Variants in S100Z observed in about 807,000 individuals in gnomAD.
S100Z encodes protein S100-Z.
Under a neutral mutation model 8.5 loss-of-function variants are expected in S100Z, and 11 were observed. The observed-to-expected ratio is 1.30, with a 90% CI of 0.82 to 2.15. S100Z has a LOEUF of 2.15. Ranked by LOEUF, S100Z falls within the 30% of genes most tolerant of loss-of-function variation. The pLI is 0.00. For missense variants in S100Z, 126 were observed against 117.9 expected, an observed-to-expected ratio of 1.07 and a Z score of -0.32; for synonymous variants, 34 against 43.8, an observed-to-expected ratio of 0.78 and a Z score of 0.89.
chr5:76,937,306 C>T, the S100Z span, among the ~76,000 whole-genome samples: 2 of 150,624 alleles, frequency 1.3e-5, no homozygotes, highest in East Asian at 1.9e-4. Context: ...AGGGGTTGCA[C>T]CTGGGGTAAT....
chr5:76,915,979 G>A (rs143114827), intron 4 of S100Z, among the ~76,000 whole-genome samples: 1,813 of 152,122 alleles, frequency 0.012, 40 homozygotes, highest in African/African-American at 0.04. Flanking sequence ...AGGCCAACAT[G>A]GTGAAACCTC....
chr5:76,865,128 GTGTT>G (rs1458114733), intron 1 of S100Z, among the ~76,000 whole-genome samples: 1 of 152,112 alleles, frequency 6.6e-6, no homozygotes, highest in African/African-American at 2.4e-5. Context: ...AGCTCCACAG[GTGTT>G]ATTGTCCCTG....
At chr5:76,868,945 C>T (rs1742897390) in intron 1 of S100Z, among the ~76,000 whole-genome samples, 1 of 152,170 alleles carries the variant, frequency 6.6e-6, no homozygotes, top group Admixed American at 6.5e-5. Flanking sequence ...TATTCATTGA[C>T]ATGACTGTTG....
chr5:76,942,918 C>T, the S100Z span, among the ~76,000 whole-genome samples: 3 of 152,204 alleles, frequency 2.0e-5, no homozygotes, highest in Non-Finnish European at 4.4e-5. Flanking sequence ...AATAATGCAT[C>T]ACTCCAAAAC....
At chr5:76,917,853 C>A (rs929186510) in intron 4 of S100Z, among the ~76,000 whole-genome samples, 4 of 150,672 alleles carry the variant, frequency 2.7e-5, no homozygotes, top group African/African-American at 9.8e-5. Flanking sequence ...AATTGAATAC[C>A]AAGGTCAAAA....
chr5:76,874,329 T>TA (rs988777715), intron 2 of S100Z, among the ~76,000 whole-genome samples: 9 of 152,188 alleles, frequency 5.9e-5, no homozygotes, highest in African/African-American at 1.9e-4. Flanking sequence ...CCCCTATTTT[T>TA]AGAGTTCTTC....
At chr5:76,876,302 C>T (rs916353227) in intron 3 of S100Z, among the ~76,000 whole-genome samples, 3 of 151,954 alleles carry the variant, frequency 2.0e-5, no homozygotes, top group Non-Finnish European at 2.9e-5. Context: ...TTAGTCTTCA[C>T]GACATTTTTA....
the S100Z span, among the ~76,000 whole-genome samples, chr5:76,949,436 TA>T: frequency 6.6e-6 from 1 of 152,142 alleles, no homozygotes; most frequent in Non-Finnish European, 1.5e-5. Flanking sequence ...AATAGAATGG[TA>T]ATATGATTCA....
intron 2 of S100Z, among the ~76,000 whole-genome samples, chr5:76,874,975 C>T (rs986888790): frequency 6.6e-6 from 1 of 152,122 alleles, no homozygotes; most frequent in Non-Finnish European, 1.5e-5. Context: ...AACTCCGCCT[C>T]CCGGGTTCAC....
chr5:76,865,052 TA>T (rs35529772), intron 1 of S100Z, among the ~76,000 whole-genome samples: 1 of 151,516 alleles, frequency 6.6e-6, no homozygotes, highest in Admixed American at 6.6e-5. Flanking sequence ...CCTCAATTCA[TA>T]AAAAAAGCTA....
intron 4 of S100Z, among the ~76,000 whole-genome samples, chr5:76,886,623 G>C (rs186665454): frequency 6.6e-6 from 1 of 152,292 alleles, no homozygotes; most frequent in Admixed American, 6.5e-5. Flanking sequence ...CCACCAAACA[G>C]GCTTTGTGTG....
chr5:76,912,282 C>G (rs1744692995), intron 4 of S100Z, among the ~76,000 whole-genome samples: 2 of 152,190 alleles, frequency 1.3e-5, no homozygotes, highest in African/African-American at 4.8e-5. Flanking sequence ...AACCCTGCCA[C>G]TTTTCTCCCA....
Position 76,875,411 on chromosome 5 carries a change from C to T in S100Z, c.52C>T (p.Arg18Cys), listed in dbSNP as rs760601480. 3.7e-6 allele frequency: 6 copies of T among 1,613,018 alleles called. No individual in the cohort carries two copies. In the Admixed American group the frequency reaches 5.0e-5, roughly 13 times the overall value. Reference sequence around the variant, plus strand: ...GGACACCATGATTAGAATCTTCCACCGCTATTCTGGCAAGGAAAGGAAGAG... The same window carrying T: ...GGACACCATGATTAGAATCTTCCACTGCTATTCTGGCAAGGAAAGGAAGAG... ...AMDTMIRIFHRYSGKERKRFK... is the reference protein window; with the variant it reads ...AMDTMIRIFHCYSGKERKRFK... Residue 18 changes from arginine to cysteine, a missense_variant, in exon 3 of 5, where the codon CGC becomes TGC. By Grantham distance (180) the Arg-to-Cys change is radical. Transcript: ENST00000317593.
intron 3 of S100Z, 122 bp from the exon 4 acceptor site, chr5:76,877,551 GA>G: frequency 1.5e-6 from 1 of 661,924 alleles, no homozygotes. Context: ...TAGGTTCTTA[GA>G]AAATGTCTTT....
chr5:76,921,587 A>G lies in S100Z; in HGVS notation c.*873A>G, dbSNP rs1428573254. The G allele has an allele frequency of 6.6e-6, 1 of 152,246 alleles. No individual in the cohort carries two copies. The highest frequency in any genetic ancestry group is 1.5e-5 in the Non-Finnish European group (1 of 68,038). 9.4% of individuals were successfully genotyped at this position (152,246 alleles called of 1,614,324 possible). A position where few individuals can be genotyped will look rare whatever the true frequency, so the allele number is the denominator to read the frequency against. On this transcript the variant is annotated 3_prime_UTR_variant, in exon 5 of 5. Transcript: ENST00000317593. ...TGACACTGGATATTCAAAAACCACG[A>G]TGTCCTTTTACTTGAAGATTTTAAA...
chr5:76,917,489 T>A (rs1400087118), intron 4 of S100Z, among the ~76,000 whole-genome samples: 7 of 152,152 alleles, frequency 4.6e-5, no homozygotes, highest in Admixed American at 4.6e-4. Flanking sequence ...GAGACTGAAG[T>A]AGCCATTCAG....
intron 4 of S100Z, among the ~76,000 whole-genome samples, chr5:76,919,596 C>T (rs1223251979): frequency 1.3e-4 from 17 of 127,580 alleles, no homozygotes; most frequent in African/African-American, 4.4e-4. Flanking sequence ...CTCTCCCTCT[C>T]TTTCTTTTTC....
chr5:76,941,220 GTTTTCC>G, the S100Z span, among the ~76,000 whole-genome samples: 3 of 152,040 alleles, frequency 2.0e-5, no homozygotes, highest in Non-Finnish European at 4.4e-5. Flanking sequence ...CAAGATTTTT[GTTTTCC>G]TTTTACAATG....
At chr5:76,886,006 GGA>G (rs1743615268) in intron 4 of S100Z, among the ~76,000 whole-genome samples, 1 of 150,768 alleles carries the variant, frequency 6.6e-6, no homozygotes, top group Non-Finnish European at 1.5e-5. Context: ...CCAGAAAAGT[GGA>G]GAGAAAAGAG....
Sources: allele counts gnomAD v4.1 joint callset (sites outside exome capture counted in the v4.1 genomes callset), GRCh38; gene constraint gnomAD v4.1.1; transcripts MANE v1.5; gene names NCBI Gene and HGNC (gene_info 2026-07-23, HGNC 2026-07-21).